ZSCAN5B: variants seen among roughly 807,000 people sequenced by gnomAD.
ZSCAN5B encodes the protein zinc finger and SCAN domain-containing protein 5B.
In ZSCAN5B, 26 loss-of-function variants were observed where a neutral mutation model predicts 25.2. The ratio of observed to expected loss-of-function variants is 1.03; its 90% CI spans 0.76 to 1.43. The LOEUF (loss-of-function observed/expected upper bound fraction) is 1.43, where lower values mean the gene tolerates loss of function less well. Ranked by LOEUF, ZSCAN5B falls within the 40% of genes most tolerant of loss-of-function variation. The pLI, the probability that ZSCAN5B is intolerant of heterozygous loss-of-function variation, is 0.00. For missense variants in ZSCAN5B, 745 were observed against 622.1 expected (o/e 1.20, Z -2.10); for synonymous variants, 244 against 240.9 (o/e 1.01, Z -0.12).
chr19:56,194,615 A>C (rs1030047042), intron 1 of ZSCAN5B, among the ~76,000 whole-genome samples: 6 of 151,584 alleles, frequency 4.0e-5, no homozygotes, highest in Non-Finnish European at 7.4e-5. Context: ...AAAAAATTTT[A>C]TTTTTTTATT....
chr19:56,191,979 A>G (rs1292741995), exon 3 of ZSCAN5B: 1 of 1,613,804 alleles, frequency 6.2e-7, no homozygotes, highest in Non-Finnish European at 8.5e-7. Flanking sequence ...CATCTCTGAC[A>G]CTGGCGGGGG....
exon 2 of ZSCAN5B, chr19:56,193,019 C>T (rs2032761281): frequency 6.3e-7 from 1 of 1,591,820 alleles, no homozygotes; most frequent in Non-Finnish European, 8.6e-7. Flanking sequence ...CAGGGTCCTC[C>T]CTGACCCCAT....
exon 3 of ZSCAN5B, chr19:56,192,034 C>A (rs760024728): frequency 6.2e-7 from 1 of 1,612,758 alleles, no homozygotes; most frequent in East Asian, 2.2e-5. Context: ...ATATTCTTTG[C>A]CGAGCAAGTT....
exon 5 of ZSCAN5B, chr19:56,189,733 C>G: frequency 7.0e-7 from 1 of 1,434,112 alleles, no homozygotes; most frequent in Non-Finnish European, 9.3e-7. Flanking sequence ...CAATTCCTAC[C>G]AAGTGCTTTA....
chr19:56,191,882 G>T (rs780274944), exon 3 of ZSCAN5B: 1 of 1,614,098 alleles, frequency 6.2e-7, no homozygotes, highest in Non-Finnish European at 8.5e-7. Flanking sequence ...ACCCTGGGCA[G>T]GATCTGCTGC....
At chr19:56,192,627 C>G in intron 2 of ZSCAN5B, 42 bp downstream of exon 2, 1 of 1,554,588 alleles carries the variant, frequency 6.4e-7, no homozygotes, top group East Asian at 2.3e-5. Flanking sequence ...GGCCCCCATC[C>G]CAGCTCCCCT....
At chr19:56,192,282 A>G (rs1284385697) in intron 2 of ZSCAN5B, among the ~76,000 whole-genome samples, 4 of 152,208 alleles carry the variant, frequency 2.6e-5, no homozygotes, top group Non-Finnish European at 1.5e-5. Context: ...CAAAGAGAAG[A>G]CAAGGAGAAA....
In ZSCAN5B at chr19:56,195,681, T is replaced by A. The variant is rs56864483; in HGVS notation, c.-128+2053A>T. On this transcript the variant is annotated intron_variant, in intron 1 of 4. Coordinates refer to ENST00000586855, the Ensembl canonical transcript of ZSCAN5B. ...GACGTGGACTCCAAAACAGTGAAGC[T>A]CTGAAGTGACAGACGGTGGGAAGGT... 1.3e-3 allele frequency among the ~76,000 whole-genome samples: 204 copies of A among 152,094 alleles called. 3 individuals are homozygous for A. The highest frequency in any genetic ancestry group is 4.4e-3 in the African/African-American group (183 of 41,468).
chr19:56,192,127 T>C, intron 2 of ZSCAN5B, 74 bp from the exon 3 acceptor site: 2 of 1,312,154 alleles, frequency 1.5e-6, no homozygotes, highest in Non-Finnish European at 2.1e-6. Flanking sequence ...GGTCCTGCCA[T>C]AATGCTCACA....
rs191929718 is a variant in ZSCAN5B at position 56,196,718 on chromosome 19, G to C, written c.-128+1016C>G. ...TTCAGCCCAGCAGTGAACCGCGATT[G>C]TGCCACTGTGCTCCAGCCTGGGAGA... On this transcript the variant is annotated intron_variant, in intron 1 of 4. Transcript: ENST00000586855. Among the ~76,000 whole-genome samples the C allele has an allele frequency of 1.3e-3, 198 of 152,332 alleles. 1 individual carries two copies. Among genetic ancestry groups the C allele is most frequent in the African/African-American group, 4.6e-3 (193 of 41,576 alleles).
chr19:56,192,092 C>G, intron 2 of ZSCAN5B, 39 bp from the exon 3 acceptor site: 1 of 1,538,272 alleles, frequency 6.5e-7, no homozygotes, highest in South Asian at 1.2e-5. Flanking sequence ...CTATGAGAAC[C>G]TGAAAGTAGC....
exon 5 of ZSCAN5B, chr19:56,190,444 G>A (rs771973107): frequency 6.2e-7 from 1 of 1,614,102 alleles, no homozygotes; most frequent in Admixed American, 1.7e-5. Flanking sequence ...CTCAGATTCA[G>A]AGCATCTCCT....
At chr19:56,195,627 G>C (rs1040238828) in intron 1 of ZSCAN5B, among the ~76,000 whole-genome samples, 1 of 151,954 alleles carries the variant, frequency 6.6e-6, no homozygotes, top group Non-Finnish European at 1.5e-5. Context: ...TCCCGCTCCG[G>C]GGCAGGTACA....
chr19:56,194,898 C>T (rs2032789055), intron 1 of ZSCAN5B, among the ~76,000 whole-genome samples: 1 of 152,172 alleles, frequency 6.6e-6, no homozygotes, highest in Admixed American at 6.5e-5. Context: ...CCATCGCGCA[C>T]AGCCCAATTT....
chr19:56,191,032 G>A, intron 3 of ZSCAN5B, 45 bp from the exon 4 acceptor site: 1 of 1,612,722 alleles, frequency 6.2e-7, no homozygotes, highest in Non-Finnish European at 8.5e-7. Flanking sequence ...GTCTATACTG[G>A]TGGAAGTAGG....
chr19:56,197,691 T>A, intron 1 of ZSCAN5B, 43 bp downstream of exon 1: 1 of 969,816 alleles, frequency 1.0e-6, no homozygotes, highest in Non-Finnish European at 1.2e-6. Context: ...ACCCCCCGCA[T>A]GCCAGCTCCG....
chr19:56,194,064 C>A (rs966416641), intron 1 of ZSCAN5B, among the ~76,000 whole-genome samples: 1 of 152,050 alleles, frequency 6.6e-6, no homozygotes, highest in African/African-American at 2.4e-5. Context: ...TAAGAACATG[C>A]GCTATGTTGT....
intron 3 of ZSCAN5B, 98 bp from the exon 4 acceptor site, chr19:56,191,085 T>A: frequency 1.3e-6 from 2 of 1,537,280 alleles, no homozygotes; most frequent in African/African-American, 1.4e-5. Context: ...AGACTTCCCA[T>A]GGACCACCCC....
chr19:56,197,777 G>A (rs967470347), exon 1 of ZSCAN5B: 10 of 985,284 alleles, frequency 1.0e-5, no homozygotes, highest in Non-Finnish European at 1.2e-5. Flanking sequence ...TCTGGGATGC[G>A]CTCTCCAACC....
Sources: gnomAD v4.1 joint callset for allele counts (sites outside exome capture counted in the v4.1 genomes callset) on GRCh38, gnomAD v4.1.1 for gene constraint, MANE v1.5 for transcripts, NCBI Gene and HGNC (gene_info 2026-07-23, HGNC 2026-07-21) for gene names.